The following GLYR1 variants were observed in gnomAD, a reference collection of about 807,000 sequenced individuals.
GLYR1 encodes cytokine-like nuclear factor N-PAC.
Under a neutral mutation model 72.7 loss-of-function variants are expected in GLYR1, and 21 were observed. The ratio of observed to expected loss-of-function variants is 0.29; its 90% CI spans 0.20 to 0.42. The LOEUF is 0.42. Ranked by LOEUF, GLYR1 falls within the 10% of genes least tolerant of loss-of-function variation. The pLI is 1.00. For synonymous variants in GLYR1, 392 were observed against 270.2 expected, an observed-to-expected ratio of 1.45 and a Z score of -4.42; for missense variants, 594 against 712.1, an observed-to-expected ratio of 0.83 and a Z score of 1.89.
chr16:4,813,699 A>G (rs1354265288), intron 12 of GLYR1, 38 bp downstream of exon 12: 2 of 1,528,192 alleles, frequency 1.3e-6, no homozygotes, highest in East Asian at 2.4e-5. Context: ...GCTCTGATAG[A>G]AAAGATGCTG....
intron 14 of GLYR1, 91 bp from the exon 15 acceptor site, chr16:4,811,385 C>T (rs1270847830): frequency 6.5e-7 from 1 of 1,543,004 alleles, no homozygotes; most frequent in Non-Finnish European, 8.8e-7. Flanking sequence ...CTAAAACATA[C>T]TCAGGGCTCA....
intron 5 of GLYR1, among the ~76,000 whole-genome samples, chr16:4,829,353 T>C (rs1319113839): frequency 6.6e-6 from 1 of 152,134 alleles, no homozygotes; most frequent in African/African-American, 2.4e-5. Context: ...TTGCCCAGGC[T>C]GGAGTGCAGT....
chr16:4,824,562 C>T (rs2084259644), intron 5 of GLYR1, among the ~76,000 whole-genome samples: 2 of 150,872 alleles, frequency 1.3e-5, no homozygotes, highest in African/African-American at 4.9e-5. Flanking sequence ...CGCCATATTT[C>T]AAAGAAACGA....
chr16:4,846,965 A>G (rs1160813852), intron 1 of GLYR1: 3 of 482,204 alleles, frequency 6.2e-6, no homozygotes, highest in East Asian at 4.0e-5. Flanking sequence ...GGGGGCCGCC[A>G]GTATCTGGGC....
intron 13 of GLYR1, 78 bp from the exon 14 acceptor site, chr16:4,811,880 C>G: frequency 6.6e-7 from 1 of 1,508,744 alleles, no homozygotes; most frequent in Non-Finnish European, 8.9e-7. Flanking sequence ...CACCTCTGCT[C>G]AGACCCACCT....
chr16:4,836,285 C>T (rs1040203627), intron 3 of GLYR1, among the ~76,000 whole-genome samples: 4 of 152,298 alleles, frequency 2.6e-5, no homozygotes, highest in African/African-American at 9.6e-5. Flanking sequence ...TTAAAAGGTG[C>T]TACAATGCTC....
intron 7 of GLYR1, among the ~76,000 whole-genome samples, chr16:4,822,061 G>C (rs558093908): frequency 6.6e-6 from 1 of 152,356 alleles, no homozygotes; most frequent in South Asian, 2.1e-4. Context: ...AGGTCACTGT[G>C]ACAGTCTCAA....
intron 2 of GLYR1, 103 bp downstream of exon 2, chr16:4,846,071 G>A: frequency 1.6e-6 from 2 of 1,289,376 alleles, no homozygotes; most frequent in Non-Finnish European, 2.3e-6. Context: ...ATCTGAATGA[G>A]CCCAATTTAA....
At position 4,832,163 on chromosome 16, in the gene GLYR1, C is replaced by G; in HGVS notation, c.353G>C (p.Ser118Thr). 1 of 1,614,176 alleles carries G rather than the reference C, an allele frequency of 6.2e-7. No homozygotes were observed. The highest frequency in any genetic ancestry group is 8.5e-7 in the Non-Finnish European group (1 of 1,180,036). Residue 118 changes from serine (S) to threonine (T), a missense_variant, in exon 5 of 16, where the codon AGT becomes ACT. Ser to Thr is a moderately conservative substitution (Grantham distance 58). Coordinates refer to ENST00000321919, the MANE Select transcript of GLYR1 (RefSeq NM_032569.4). The stretch of plus-strand genomic sequence containing the variant: ...CTTCTCATCACCTGAGTTTGGCCTA[C>G]TTCTCTCCTCACTGGAATTACGTCG... ...KNRRNSSEER[S>T]RPNSGDEKRK...
Position 4,811,204 on chromosome 16 carries a change from T to C in GLYR1, c.1553A>G (p.Asn518Ser). 3.1e-6 allele frequency: 5 copies of C among 1,614,074 alleles called. No individual in the cohort carries two copies. Among genetic ancestry groups the C allele is most frequent in the East Asian group, 2.2e-5 (1 of 44,882 alleles). The change falls in exon 15 of 16, where the codon AAC becomes AGC. Residue 518 changes from asparagine to serine, a missense_variant. This residue lies in a region of GLYR1 where 266 missense variants were observed against 358.4 expected (regional missense o/e 0.74). Transcript: ENST00000321919. ...TGCAGCTGCCATGGGAGTCGGATGG[T>C]TGACCGCATCACCCAGCGCAATGGC... ...RLAIALGDAVNHPTPMAAAAN... is the reference protein window; with the variant it reads ...RLAIALGDAVSHPTPMAAAAN...
chr16:4,821,480 A>T lies in GLYR1; in HGVS notation c.733-27T>A, dbSNP rs767853557. 5.0e-6 allele frequency: 8 copies of T among 1,614,002 alleles called. No homozygotes were observed. The African/African-American group carries it at 9.3e-5, about 19-fold the overall frequency. ...TACGGACAGGAAGCACACATCATCA[A>T]GTCAGTCTGCCTGCAGTTTAAGGCC... On this transcript the variant is annotated intron_variant, in intron 8 of 15. Coordinates refer to ENST00000321919, the MANE Select transcript of GLYR1 (RefSeq NM_032569.4).
Position 4,823,462 on chromosome 16 carries a change from T to C in GLYR1, c.624+359A>G, listed in dbSNP as rs550212435. ...AGGATAATAAAACTAAACATAAAAG[T>C]TGTATTTATGGACAATAAGAGGGTG... On this transcript the variant is annotated intron_variant, in intron 6 of 15. Coordinates refer to ENST00000321919, the MANE Select transcript of GLYR1 (RefSeq NM_032569.4). 1.6e-4 allele frequency among the ~76,000 whole-genome samples: 24 copies of C among 152,234 alleles called. No individual in the cohort carries two copies. The South Asian group carries it at 4.8e-3, about 30-fold the overall frequency.
At chr16:4,844,932 G>C (rs2085879704) in intron 3 of GLYR1, 142 bp downstream of exon 3, 6 of 638,422 alleles carry the variant, frequency 9.4e-6, no homozygotes, top group East Asian at 5.2e-5. Flanking sequence ...CCTTTATTTA[G>C]GTATGAAGGC....
intron 15 of GLYR1, among the ~76,000 whole-genome samples, chr16:4,810,030 A>G (rs1023406341): frequency 5.3e-5 from 8 of 152,220 alleles, no homozygotes; most frequent in African/African-American, 1.7e-4. Flanking sequence ...TAATCATTAG[A>G]TATCTAGGAA....
At chr16:4,834,625 C>T (rs2085019098) in intron 3 of GLYR1, among the ~76,000 whole-genome samples, 1 of 152,036 alleles carries the variant, frequency 6.6e-6, no homozygotes. Flanking sequence ...ACCACCACAC[C>T]CAGCTAATTT....
At chr16:4,813,945 A>T (rs1011395177) in intron 11 of GLYR1, 107 bp from the exon 12 acceptor site, 13 of 778,550 alleles carry the variant, frequency 1.7e-5, no homozygotes, top group Non-Finnish European at 4.0e-6. Flanking sequence ...TCATTTCCTG[A>T]TTTCTATCAG....
chr16:4,823,984 G>A (rs1014662483), intron 5 of GLYR1, 77 bp from the exon 6 acceptor site: 1 of 1,229,332 alleles, frequency 8.1e-7, no homozygotes, highest in Non-Finnish European at 1.2e-6. Context: ...CACAGTCTAA[G>A]GGAAAGTTCA....
chr16:4,827,399 T>A (rs1427373751), intron 5 of GLYR1, among the ~76,000 whole-genome samples: 1 of 152,236 alleles, frequency 6.6e-6, no homozygotes, highest in Non-Finnish European at 1.5e-5. Context: ...AACGGCTATC[T>A]GTCCTGTACC....
intron 5 of GLYR1, among the ~76,000 whole-genome samples, chr16:4,830,248 A>C (rs962292069): frequency 9.2e-5 from 13 of 140,574 alleles, no homozygotes; most frequent in East Asian, 4.2e-4. Context: ...TTTTAAGGGA[A>C]AGGCTCTTAC....
Sources: gnomAD v4.1 joint callset for allele counts (sites outside exome capture counted in the v4.1 genomes callset) on GRCh38, gnomAD v4.1.1 for gene constraint, gnomAD v4.1.1 regional missense constraint, MANE v1.5 for transcripts, NCBI Gene and HGNC (gene_info 2026-07-23, HGNC 2026-07-21) for gene names.